RNGTT: variants seen among roughly 807,000 people sequenced by gnomAD.
RNGTT encodes mRNA-capping enzyme.
A neutral mutation model predicts 79.3 loss-of-function variants in RNGTT; 33 were observed. That is an observed-to-expected ratio of 0.42 (90% CI 0.32 to 0.56). The LOEUF (loss-of-function observed/expected upper bound fraction) is 0.56, where lower values mean the gene tolerates loss of function less well. Among genes scored for constraint, RNGTT ranks in the 20% least tolerant of loss-of-function variants. The probability of loss-of-function intolerance (pLI) is 0.17; values close to 1 mark genes in which losing one functional copy is unlikely to be tolerated. For missense variants in RNGTT, 497 were observed against 739.1 expected (o/e 0.67, Z 3.80); for synonymous variants, 222 against 235.9 (o/e 0.94, Z 0.54).
intron 13 of RNGTT, among the ~76,000 whole-genome samples, chr6:88,722,747 T>A (rs1249512471): frequency 6.6e-6 from 1 of 152,098 alleles, no homozygotes; most frequent in African/African-American, 2.4e-5. Context: ...GTAACTATAG[T>A]CATGAGCCTC....
intron 13 of RNGTT, among the ~76,000 whole-genome samples, chr6:88,733,222 G>A (rs1381455953): frequency 6.6e-6 from 1 of 151,990 alleles, no homozygotes; most frequent in Admixed American, 6.6e-5. Context: ...TCAGCCAGGT[G>A]TTGTGGTGCA....
intron 13 of RNGTT, among the ~76,000 whole-genome samples, chr6:88,692,751 A>T (rs777703495): frequency 1.6e-4 from 24 of 152,122 alleles, no homozygotes; most frequent in Admixed American, 2.6e-4. Context: ...ATTAACTTGC[A>T]AACTTTAAAT....
intron 13 of RNGTT, among the ~76,000 whole-genome samples, chr6:88,741,301 T>A (rs922503748): frequency 2.0e-5 from 3 of 152,134 alleles, no homozygotes; most frequent in Non-Finnish European, 4.4e-5. Flanking sequence ...TGCAGCGACA[T>A]GGATATTGCT....
intron 13 of RNGTT, among the ~76,000 whole-genome samples, chr6:88,693,229 T>C (rs1049964289): frequency 3.3e-5 from 5 of 151,870 alleles, no homozygotes; most frequent in Non-Finnish European, 7.4e-5. Flanking sequence ...GGCAAACCCT[T>C]ACCTAGACTG....
At chr6:88,710,236 T>C (rs1776272748) in intron 13 of RNGTT, among the ~76,000 whole-genome samples, 1 of 152,218 alleles carries the variant, frequency 6.6e-6, no homozygotes, top group African/African-American at 2.4e-5. Context: ...TGAATTTCTA[T>C]TCAACCAGTG....
chr6:88,651,411 A>C (rs1388130789), intron 14 of RNGTT, among the ~76,000 whole-genome samples: 1 of 152,170 alleles, frequency 6.6e-6, no homozygotes, highest in Non-Finnish European at 1.5e-5. Flanking sequence ...AAGTACCTAC[A>C]CTTTTACAGG....
chr6:88,744,569 T>C (rs1444526962), intron 13 of RNGTT, among the ~76,000 whole-genome samples: 3 of 152,164 alleles, frequency 2.0e-5, no homozygotes, highest in Non-Finnish European at 2.9e-5. Flanking sequence ...CTGTTCTTAC[T>C]ACTCTTTATA....
chr6:88,670,911 C>T (rs956344519), intron 14 of RNGTT, among the ~76,000 whole-genome samples: 5 of 152,144 alleles, frequency 3.3e-5, no homozygotes, highest in African/African-American at 9.7e-5. Context: ...TTCATAGAAC[C>T]GGTGTCTAAG....
At chr6:88,943,660 T>TAATA (rs764334877) in intron 1 of RNGTT, among the ~76,000 whole-genome samples, 10 of 151,916 alleles carry the variant, frequency 6.6e-5, no homozygotes, top group East Asian at 1.9e-4. Context: ...GCAATAAACA[T>TAATA]AATAAATAAA....
chr6:88,691,772 T>C (rs1269823913), intron 13 of RNGTT, among the ~76,000 whole-genome samples: 4 of 152,046 alleles, frequency 2.6e-5, no homozygotes, highest in Non-Finnish European at 4.4e-5. Flanking sequence ...TTGTAATACA[T>C]AATACAAAAA....
chr6:88,712,129 A>T (rs972328596), intron 13 of RNGTT, among the ~76,000 whole-genome samples: 1 of 152,218 alleles, frequency 6.6e-6, no homozygotes, highest in Non-Finnish European at 1.5e-5. Context: ...GGATAAATTT[A>T]ATCTAAAATA....
At chr6:88,826,312 T>G (rs1006364587) in intron 11 of RNGTT, among the ~76,000 whole-genome samples, 13 of 152,212 alleles carry the variant, frequency 8.5e-5, no homozygotes, top group African/African-American at 2.9e-4. Context: ...GATTTACAGT[T>G]TGTTTTCATG....
Position 88,703,549 on chromosome 6 carries a change from G to C in RNGTT, c.1440-25130C>G, listed in dbSNP as rs529123073. 7.2e-5 allele frequency among the ~76,000 whole-genome samples: 11 copies of C among 152,296 alleles called. No individual in the cohort carries two copies. The South Asian group carries it at 8.3e-4, about 11-fold the overall frequency. ...CGGGGACTACTAAAGGAAGGAGGAAGGGAGGCAGGCAAGGGTTGAAAAACT... is the reference window on the plus strand; with the variant it reads ...CGGGGACTACTAAAGGAAGGAGGAACGGAGGCAGGCAAGGGTTGAAAAACT... On this transcript the variant is annotated intron_variant, in intron 13 of 15. Transcript: ENST00000369485.
chr6:88,910,704 G>T (rs1397531080), intron 4 of RNGTT, among the ~76,000 whole-genome samples: 1 of 152,072 alleles, frequency 6.6e-6, no homozygotes, highest in Non-Finnish European at 1.5e-5. Flanking sequence ...ACTTTCCAAG[G>T]TCTATGTAAA....
At chr6:88,683,855 A>G (rs1435704104) in intron 13 of RNGTT, among the ~76,000 whole-genome samples, 1 of 151,986 alleles carries the variant, frequency 6.6e-6, no homozygotes, top group Non-Finnish European at 1.5e-5. Context: ...TCTCTACAAA[A>G]AGTATAAAAA....
At chr6:88,843,164 A>C (rs1454655520) in intron 11 of RNGTT, among the ~76,000 whole-genome samples, 1 of 150,952 alleles carries the variant, frequency 6.6e-6, no homozygotes, top group East Asian at 1.9e-4. Flanking sequence ...AAAAAAAAAA[A>C]GAGTGCTGGC....
intron 14 of RNGTT, among the ~76,000 whole-genome samples, chr6:88,633,698 C>T (rs1014552438): frequency 1.3e-5 from 2 of 152,102 alleles, no homozygotes; most frequent in South Asian, 4.1e-4. Flanking sequence ...AAAAGTTACA[C>T]ACTTAGGACT....
In RNGTT at chr6:88,677,620, C is replaced by A. The variant is rs143203767; in HGVS notation, c.1506+733G>T. 2.1e-3 allele frequency among the ~76,000 whole-genome samples: 322 copies of A among 151,886 alleles called. 1 individual carries two copies. Among genetic ancestry groups the A allele is most frequent in the African/African-American group, 7.3e-3 (303 of 41,426 alleles). The stretch of plus-strand genomic sequence containing the variant: ...AACCTGGGACAACTGCCATGGCCAG[C>A]GAAATTTTTTTTTTTACTATTTTGT... On this transcript the variant is annotated intron_variant, in intron 14 of 15. Coordinates refer to ENST00000369485, the MANE Select transcript of RNGTT (RefSeq NM_003800.5).
intron 13 of RNGTT, among the ~76,000 whole-genome samples, chr6:88,699,520 C>CA (rs1030116299): frequency 1.3e-5 from 2 of 151,766 alleles, no homozygotes; most frequent in Non-Finnish European, 2.9e-5. Flanking sequence ...CTCGTCTCTA[C>CA]AAAAAATAAA....
Sources: gnomAD v4.1 joint callset for allele counts (sites outside exome capture counted in the v4.1 genomes callset) on GRCh38, gnomAD v4.1.1 for gene constraint, MANE v1.5 for transcripts, NCBI Gene and HGNC (gene_info 2026-07-23, HGNC 2026-07-21) for gene names.